Variants in GSE1 observed in about 807,000 individuals in gnomAD.
GSE1 encodes genetic suppressor element 1.
Under a neutral mutation model 112.6 loss-of-function variants are expected in GSE1, and 32 were observed. The observed-to-expected ratio is 0.28, with a 90% CI of 0.21 to 0.38. The LOEUF (loss-of-function observed/expected upper bound fraction) is 0.38, where lower values mean the gene tolerates loss of function less well. Among genes scored for constraint, GSE1 ranks in the 10% least tolerant of loss-of-function variants. GSE1 has a pLI of 1.00. For synonymous variants in GSE1, 1,115 were observed against 735.6 expected, an observed-to-expected ratio of 1.52 and a Z score of -8.35; for missense variants, 2,348 against 1,699.2, an observed-to-expected ratio of 1.38 and a Z score of -6.71.
intron 1 of GSE1, among the ~76,000 whole-genome samples, chr16:85,605,094 G>T (rs1003859257): frequency 4.6e-5 from 7 of 151,454 alleles, no homozygotes; most frequent in African/African-American, 1.7e-4. Context: ...TGGGATTACA[G>T]ATGTGAGCCA....
chr16:85,527,720 C>T (rs1418067726), intron 2 of GSE1, among the ~76,000 whole-genome samples: 1 of 152,214 alleles, frequency 6.6e-6, no homozygotes, highest in Non-Finnish European at 1.5e-5. Flanking sequence ...GATTGCACAG[C>T]CTGTGCTCTG....
intron 1 of GSE1, among the ~76,000 whole-genome samples, chr16:85,345,524 C>T (rs9972752): frequency 0.24 from 37,141 of 152,198 alleles, 5,004 homozygotes; most frequent in Non-Finnish European, 0.31. Flanking sequence ...CTAGTGTCCT[C>T]GTTTCCTTCA....
intron 1 of GSE1, among the ~76,000 whole-genome samples, chr16:85,604,476 A>T (rs1431340936): frequency 6.6e-6 from 1 of 151,938 alleles, no homozygotes; most frequent in Admixed American, 6.6e-5. Flanking sequence ...CATCCGTACA[A>T]GGTTTTGCGT....
rs936165867 is a variant in GSE1 at position 85,656,518 on chromosome 16, C to G, written c.1165C>G (p.Arg389Gly). 5 of 1,549,116 alleles carry G rather than the reference C, an allele frequency of 3.2e-6. No homozygotes were observed. The East Asian group carries it at 1.2e-4, about 38-fold the overall frequency. The change falls in exon 7 of 16, where the codon CGG becomes GGG. Residue 389 changes from arginine to glycine, a missense_variant. Arg to Gly is a moderately radical substitution (Grantham distance 125, BLOSUM62 -2). Coordinates refer to ENST00000253458, the MANE Select transcript of GSE1 (RefSeq NM_014615.5). Reference sequence around the variant, plus strand: ...GCGCGAGCGCGAGCTGGAGCGCCAGCGGGAGCAGCGGGCCCGGGAGAAGGA... The same window carrying G: ...GCGCGAGCGCGAGCTGGAGCGCCAGGGGGAGCAGCGGGCCCGGGAGAAGGA... The part of the protein sequence containing the change: ...KERERELERQ[R>G]EQRAREKELL...
rs532612961 is a variant in GSE1 at position 85,674,192 on chromosome 16, T to G, written c.*1653T>G. ...GACCTGTGTGCCGGCTGCTCACTGC[T>G]GTGACCAGCAGCCGAGCCCTTGGCC... is the stretch of plus-strand genomic sequence containing the variant. On this transcript the variant is annotated 3_prime_UTR_variant, in exon 16 of 16. Coordinates refer to ENST00000253458, the MANE Select transcript of GSE1 (RefSeq NM_014615.5). 2 of 152,444 alleles carry G rather than the reference T, an allele frequency of 1.3e-5. No individual in the cohort carries two copies. The highest frequency in any genetic ancestry group is 4.8e-5 in the African/African-American group (2 of 41,586). 9.4% of individuals were successfully genotyped at this position (152,444 alleles called of 1,614,324 possible).
chr16:85,663,946 G>C (rs1430303806), intron 11 of GSE1, among the ~76,000 whole-genome samples: 1 of 152,280 alleles, frequency 6.6e-6, no homozygotes, highest in Admixed American at 6.5e-5. Context: ...GGTGTTCCAG[G>C]TTTGTCTGCT....
intron 1 of GSE1, among the ~76,000 whole-genome samples, chr16:85,633,240 C>T (rs1423614828): frequency 6.6e-6 from 1 of 152,240 alleles, no homozygotes; most frequent in East Asian, 1.9e-4. Context: ...TCCCTGTCAG[C>T]CTGCCTGTGT....
In GSE1 at chr16:85,674,029, T is replaced by G. The variant is rs2053543225; in HGVS notation, c.*1490T>G. Reference sequence around the variant, plus strand: ...AGGCAAAGCAACGGGCGAGTCTTCCTCCTTGTCCTAGTTACTGCCTATGGA... The same window carrying G: ...AGGCAAAGCAACGGGCGAGTCTTCCGCCTTGTCCTAGTTACTGCCTATGGA... On this transcript the variant is annotated 3_prime_UTR_variant, in exon 16 of 16. Coordinates refer to ENST00000253458, the MANE Select transcript of GSE1 (RefSeq NM_014615.5). 6.6e-6 allele frequency: 1 copy of G among 152,270 alleles called. No homozygotes were observed. The highest frequency in any genetic ancestry group is 2.1e-4 in the South Asian group (1 of 4,826). The allele number at this position is 152,270 out of a possible 1,614,324, so 9.4% of individuals were successfully genotyped here. A position where few individuals can be genotyped will look rare whatever the true frequency, so the allele number is the denominator to read the frequency against.
At chr16:85,556,426 A>C (rs988903815) in intron 1 of GSE1, 11 of 740,014 alleles carry the variant, frequency 1.5e-5, no homozygotes, top group African/African-American at 2.0e-5. Context: ...ACCCTCCCTC[A>C]CCCGACCCCC....
chr16:85,442,981 G>A (rs1199670011), intron 2 of GSE1, among the ~76,000 whole-genome samples: 4 of 152,158 alleles, frequency 2.6e-5, no homozygotes, highest in African/African-American at 4.8e-5. Context: ...CCCTGGCTCC[G>A]TCCGCCCATG....
intron 1 of GSE1, among the ~76,000 whole-genome samples, chr16:85,625,122 G>T (rs559624105): frequency 6.6e-6 from 1 of 152,224 alleles, no homozygotes; most frequent in Admixed American, 6.5e-5. Flanking sequence ...GGTCTGTCGT[G>T]CCCCTTTAGG....
chr16:85,169,821 C>T, exon 1 of GSE1: 1 of 984,302 alleles, frequency 1.0e-6, no homozygotes, highest in Non-Finnish European at 1.2e-6. Context: ...AGCAGTGGGC[C>T]GCCTTCGAGC....
chr16:85,337,603 CCAGGCT>C (rs1322139552), intron 1 of GSE1, among the ~76,000 whole-genome samples: 7 of 152,166 alleles, frequency 4.6e-5, no homozygotes, highest in Non-Finnish European at 1.0e-4. Flanking sequence ...CCGCGCCCGG[CCAGGCT>C]CAGGACTTTC....
At chr16:85,293,314 G>A (rs1318945592) in intron 1 of GSE1, among the ~76,000 whole-genome samples, 1 of 152,166 alleles carries the variant, frequency 6.6e-6, no homozygotes, top group East Asian at 1.9e-4. Context: ...GGGAGGCCGA[G>A]GCGGGTGCAT....
chr16:85,461,602 A>T (rs1427300880), intron 2 of GSE1, among the ~76,000 whole-genome samples: 2 of 152,134 alleles, frequency 1.3e-5, no homozygotes, highest in African/African-American at 2.4e-5. Context: ...TTGTTTCTCA[A>T]ACTTGACTTG....
chr16:85,317,114 A>G (rs2046002160), intron 1 of GSE1, among the ~76,000 whole-genome samples: 1 of 152,150 alleles, frequency 6.6e-6, no homozygotes. Flanking sequence ...TTTACTGAGC[A>G]CCTGTTGTGT....
exon 1 of GSE1, chr16:85,171,250 C>G: frequency 3.0e-6 from 3 of 985,678 alleles, no homozygotes; most frequent in Non-Finnish European, 3.6e-6. Context: ...CGCCTCCGAC[C>G]CTGCCCTCTC....
chr16:85,483,780 A>T (rs917853503), intron 2 of GSE1, among the ~76,000 whole-genome samples: 2 of 152,272 alleles, frequency 1.3e-5, no homozygotes, highest in African/African-American at 4.8e-5. Flanking sequence ...GGATGCTGCG[A>T]ATGCAAGGCT....
chr16:85,466,817 T>C (rs904915554), intron 2 of GSE1, among the ~76,000 whole-genome samples: 1 of 152,092 alleles, frequency 6.6e-6, no homozygotes, highest in East Asian at 1.9e-4. Flanking sequence ...CCCAGCACTT[T>C]GGGAGGCCAA....
Sources: allele counts gnomAD v4.1 joint callset (sites outside exome capture counted in the v4.1 genomes callset), GRCh38; gene constraint gnomAD v4.1.1; transcripts MANE v1.5; gene names NCBI Gene and HGNC (gene_info 2026-07-23, HGNC 2026-07-21).